The following UBE2R2 variants were observed in gnomAD, a reference collection of about 807,000 sequenced individuals.
UBE2R2 encodes ubiquitin conjugating enzyme E2 R2, also known as ubiquitin-conjugating enzyme E2 R2.
UBE2R2 carries 1 observed loss-of-function variant against 27.8 expected under a neutral mutation model. That is an observed-to-expected ratio of 0.04 (90% CI 0.01 to 0.17). The LOEUF is 0.17. Among genes scored for constraint, UBE2R2 ranks in the 10% least tolerant of loss-of-function variants. UBE2R2 has a pLI of 1.00. For missense variants in UBE2R2, 100 were observed against 291.0 expected (o/e 0.34, Z 4.78); for synonymous variants, 106 against 113.3 (o/e 0.94, Z 0.41).
At position 33,826,919 on chromosome 9, in the gene UBE2R2, C is replaced by G. The variant is rs569635564; in HGVS notation, c.177+8985C>G. Reference sequence around the variant, plus strand: ...ACAGCGTGGTGAAACCCCACATCTACTGAAAATCCAAAAATTAGCCAGGCA... The same window carrying G: ...ACAGCGTGGTGAAACCCCACATCTAGTGAAAATCCAAAAATTAGCCAGGCA... On this transcript the variant is annotated intron_variant, in intron 1 of 4. Coordinates refer to ENST00000263228, the MANE Select transcript of UBE2R2 (RefSeq NM_017811.4). 1.3e-4 allele frequency among the ~76,000 whole-genome samples: 20 copies of G among 152,150 alleles called. No individual in the cohort carries two copies. The East Asian group carries it at 3.7e-3, about 28-fold the overall frequency.
At chr9:33,845,957 C>T (rs376828799) in intron 1 of UBE2R2, among the ~76,000 whole-genome samples, 4 of 151,908 alleles carry the variant, frequency 2.6e-5, no homozygotes, top group Non-Finnish European at 5.9e-5. Flanking sequence ...GGTGAAACCC[C>T]GTCTCTACTG....
intron 4 of UBE2R2, among the ~76,000 whole-genome samples, chr9:33,914,034 A>C (rs1822570080): frequency 1.3e-5 from 2 of 152,192 alleles, no homozygotes; most frequent in African/African-American, 4.8e-5. Flanking sequence ...ATATTTCTTA[A>C]TTTGTTTAAG....
At chr9:33,873,201 C>G (rs1453605790) in intron 1 of UBE2R2, among the ~76,000 whole-genome samples, 1 of 136,560 alleles carries the variant, frequency 7.3e-6, no homozygotes, top group African/African-American at 2.7e-5. Flanking sequence ...AAAAAAAGAT[C>G]TAATATCATA....
At chr9:33,826,677 C>T (rs571540015) in intron 1 of UBE2R2, among the ~76,000 whole-genome samples, 5 of 152,016 alleles carry the variant, frequency 3.3e-5, no homozygotes, top group Non-Finnish European at 7.4e-5. Flanking sequence ...CCAGTCTGGG[C>T]AACAGAGTGA....
intron 3 of UBE2R2, among the ~76,000 whole-genome samples, chr9:33,900,667 C>T (rs913761530): frequency 1.2e-4 from 18 of 151,988 alleles, no homozygotes; most frequent in African/African-American, 3.9e-4. Context: ...TTTTACCTGT[C>T]GTTGTTTTGC....
chr9:33,919,769 G>A lies in UBE2R2; in HGVS notation c.*2532G>A, dbSNP rs1260653574. ...GGAGTGGAGGTCTCAGGCTCAATCC[G>A]GAACCATGTACGTACAGTTTTGCTT... is the stretch of plus-strand genomic sequence containing the variant. On this transcript the variant is annotated 3_prime_UTR_variant, in exon 5 of 5. Coordinates refer to ENST00000263228, the MANE Select transcript of UBE2R2 (RefSeq NM_017811.4). The A allele has an allele frequency of 2.0e-5, 3 of 151,950 alleles. No individual in the cohort carries two copies. Among genetic ancestry groups the A allele is most frequent in the Non-Finnish European group, 4.4e-5 (3 of 68,006 alleles). 9.4% of individuals were successfully genotyped at this position (151,950 alleles called of 1,614,324 possible).
At chr9:33,839,274 G>A (rs905597460) in intron 1 of UBE2R2, among the ~76,000 whole-genome samples, 2 of 152,088 alleles carry the variant, frequency 1.3e-5, no homozygotes, top group African/African-American at 2.4e-5. Context: ...TTTCACTCTT[G>A]TTGCCCAGAC....
At chr9:33,886,653 TAAAA>T (rs11404304) in intron 1 of UBE2R2, among the ~76,000 whole-genome samples, 2 of 118,708 alleles carry the variant, frequency 1.7e-5, no homozygotes, top group Non-Finnish European at 3.4e-5. Context: ...GACTCCGTCT[TAAAA>T]AAAAAAAAAA....
Position 33,859,124 on chromosome 9 carries a change from G to A in UBE2R2, c.178-27757G>A, listed in dbSNP as rs531761612. Among the ~76,000 whole-genome samples the A allele has an allele frequency of 5.3e-5, 8 of 152,114 alleles. No homozygotes were observed. In the South Asian group the frequency reaches 1.0e-3, roughly 20 times the overall value. On this transcript the variant is annotated intron_variant, in intron 1 of 4. Coordinates refer to ENST00000263228, the MANE Select transcript of UBE2R2 (RefSeq NM_017811.4). ...CAGACATGAGCCACCATGTCCGGCCGGAAGAGTTCATTTTAATATTAAAAA... is the reference window on the plus strand; with the variant it reads ...CAGACATGAGCCACCATGTCCGGCCAGAAGAGTTCATTTTAATATTAAAAA...
At chr9:33,867,563 C>T (rs181429245) in intron 1 of UBE2R2, among the ~76,000 whole-genome samples, 2 of 152,274 alleles carry the variant, frequency 1.3e-5, no homozygotes, top group Admixed American at 6.5e-5. Flanking sequence ...AGTTTTGCAT[C>T]TTTGCTAGTC....
chr9:33,818,384 T>TGGGGGTGGGGTG (rs1563977569), intron 1 of UBE2R2, among the ~76,000 whole-genome samples: 2 of 6,896 alleles, frequency 2.9e-4, no homozygotes, highest in African/African-American at 5.4e-4. Flanking sequence ...GGGGTGGGGG[T>TGGGGGTGGGGTG]GGGGTGGGGG....
intron 2 of UBE2R2, among the ~76,000 whole-genome samples, chr9:33,898,283 T>C (rs1430703999): frequency 1.3e-5 from 2 of 152,052 alleles, no homozygotes; most frequent in African/African-American, 2.4e-5. Context: ...GGTTTCATCA[T>C]ACTGGCCAGG....
chr9:33,854,727 T>C (rs558188325), intron 1 of UBE2R2, among the ~76,000 whole-genome samples: 1 of 151,796 alleles, frequency 6.6e-6, no homozygotes, highest in South Asian at 2.1e-4. Context: ...ATTTTTTTTT[T>C]TTTTTTTCCA....
chr9:33,856,655 G>C (rs1419662103), intron 1 of UBE2R2, among the ~76,000 whole-genome samples: 1 of 150,222 alleles, frequency 6.7e-6, no homozygotes, highest in African/African-American at 2.4e-5. Flanking sequence ...CTTCTCAGTT[G>C]TGTATGATTA....
At chr9:33,892,934 A>G (rs1439542489) in intron 2 of UBE2R2, among the ~76,000 whole-genome samples, 1 of 152,124 alleles carries the variant, frequency 6.6e-6, no homozygotes, top group Non-Finnish European at 1.5e-5. Flanking sequence ...ATTTATTGAG[A>G]TGAAATTCAC....
At chr9:33,870,502 G>A (rs1422571987) in intron 1 of UBE2R2, among the ~76,000 whole-genome samples, 2 of 152,090 alleles carry the variant, frequency 1.3e-5, no homozygotes, top group Non-Finnish European at 1.5e-5. Context: ...GTTATGATGA[G>A]GGTACATTAA....
At chr9:33,870,863 T>A (rs1821471379) in intron 1 of UBE2R2, among the ~76,000 whole-genome samples, 1 of 152,226 alleles carries the variant, frequency 6.6e-6, no homozygotes, top group Admixed American at 6.6e-5. Flanking sequence ...TATAGAAAAC[T>A]GAGAGTTGTC....
intron 1 of UBE2R2, among the ~76,000 whole-genome samples, chr9:33,842,526 A>G (rs528182739): frequency 9.2e-5 from 14 of 152,324 alleles, no homozygotes; most frequent in Admixed American, 3.3e-4. Flanking sequence ...GCATCACTTA[A>G]TAAGGTTATT....
chr9:33,880,359 C>T (rs1246660719), intron 1 of UBE2R2, among the ~76,000 whole-genome samples: 1 of 151,826 alleles, frequency 6.6e-6, no homozygotes, highest in African/African-American at 2.4e-5. Context: ...TTCTAAGTAA[C>T]TTTGTGGCTT....
Sources: gnomAD v4.1 joint callset for allele counts (sites outside exome capture counted in the v4.1 genomes callset) on GRCh38, gnomAD v4.1.1 for gene constraint, MANE v1.5 for transcripts, NCBI Gene and HGNC (gene_info 2026-07-23, HGNC 2026-07-21) for gene names.